UNC13C: variants seen among roughly 807,000 people sequenced by gnomAD.
The protein encoded by UNC13C is protein unc-13 homolog C.
Under a neutral mutation model 245.4 loss-of-function variants are expected in UNC13C, and 174 were observed. That is an observed-to-expected ratio of 0.71 (90% CI 0.63 to 0.80). UNC13C has a LOEUF of 0.80. Among genes scored for constraint, UNC13C ranks in the 30% least tolerant of loss-of-function variants. The pLI, the probability that UNC13C is intolerant of heterozygous loss-of-function variation, is 0.00. For missense variants in UNC13C, 2,829 were observed against 2,602.9 expected, an observed-to-expected ratio of 1.09 and a Z score of -1.89; for synonymous variants, 992 against 895.1, an observed-to-expected ratio of 1.11 and a Z score of -1.93.
chr15:53,899,690 G>A, the UNC13C span, among the ~76,000 whole-genome samples: 1 of 151,952 alleles, frequency 6.6e-6, no homozygotes, highest in East Asian at 1.9e-4. Context: ...TCAGCCTCCC[G>A]AGTGGCTGCT....
chr15:54,134,860 T>C (rs2031649515), intron 2 of UNC13C, among the ~76,000 whole-genome samples: 2 of 152,200 alleles, frequency 1.3e-5, no homozygotes, highest in South Asian at 4.1e-4. Flanking sequence ...ATTATTATAG[T>C]AGTTCTAGTT....
chr15:54,016,177 A>C (rs1044998767), intron 2 of UNC13C, among the ~76,000 whole-genome samples: 14 of 152,214 alleles, frequency 9.2e-5, no homozygotes, highest in African/African-American at 3.4e-4. Context: ...ACCCCATTTA[A>C]CATCAACTAA....
chr15:54,172,218 A>G (rs2033425832), intron 4 of UNC13C, among the ~76,000 whole-genome samples: 1 of 152,100 alleles, frequency 6.6e-6, no homozygotes, highest in African/African-American at 2.4e-5. Flanking sequence ...GCAGTCAATA[A>G]TGTATTATAC....
At chr15:54,168,952 G>A (rs1410626235) in intron 4 of UNC13C, among the ~76,000 whole-genome samples, 2 of 152,156 alleles carry the variant, frequency 1.3e-5, no homozygotes, top group Non-Finnish European at 2.9e-5. Context: ...AATGCTAAGG[G>A]TGTGTCTGAA....
At chr15:54,299,055 A>G (rs1201048784) in intron 12 of UNC13C, among the ~76,000 whole-genome samples, 2 of 152,160 alleles carry the variant, frequency 1.3e-5, no homozygotes, top group African/African-American at 2.4e-5. Context: ...TAGTGATATT[A>G]TTCCCTCAAG....
At chr15:54,593,263 G>A (rs1898900126) in intron 30 of UNC13C, among the ~76,000 whole-genome samples, 1 of 152,108 alleles carries the variant, frequency 6.6e-6, no homozygotes, top group African/African-American at 2.4e-5. Context: ...CTTAACATTG[G>A]ATAACTTGAT....
At chr15:54,078,794 C>G (rs1304770285) in intron 2 of UNC13C, among the ~76,000 whole-genome samples, 1 of 152,006 alleles carries the variant, frequency 6.6e-6, no homozygotes, top group Non-Finnish European at 1.5e-5. Context: ...TTAATTGTTT[C>G]TTTTGCTGTG....
the UNC13C span, among the ~76,000 whole-genome samples, chr15:53,908,701 G>T: frequency 8.2e-6 from 1 of 121,978 alleles, no homozygotes; most frequent in Non-Finnish European, 1.7e-5. Context: ...GCAGTGAGAC[G>T]AGATTGCACC....
Position 54,497,796 on chromosome 15 carries a change from T to C in UNC13C, c.5061-2283T>C, listed in dbSNP as rs963646143. ...TTTATAAATGGAATCATACATTGTG[T>C]ACAAAAAATAAGAAAGAAGGAACAT... On this transcript the variant is annotated intron_variant, in intron 20 of 32. Transcript: ENST00000260323. Among the ~76,000 whole-genome samples, 6 of 152,156 alleles carry C rather than the reference T, an allele frequency of 3.9e-5. No homozygotes were observed. In the South Asian group the frequency reaches 1.2e-3, roughly 32 times the overall value.
At chr15:53,961,707 A>C in the UNC13C span, among the ~76,000 whole-genome samples, 23 of 152,336 alleles carry the variant, frequency 1.5e-4, no homozygotes, top group Middle Eastern at 3.4e-3. Flanking sequence ...ATTGAATAAT[A>C]TTACTGCTGT....
chr15:54,370,300 C>A (rs2039460545), intron 17 of UNC13C, among the ~76,000 whole-genome samples: 1 of 152,022 alleles, frequency 6.6e-6, no homozygotes, highest in Admixed American at 6.6e-5. Flanking sequence ...AACAGCAAGG[C>A]CCTAGGAACT....
the UNC13C span, chr15:53,968,047 G>A: frequency 6.6e-6 from 1 of 151,946 alleles, no homozygotes; most frequent in Admixed American, 6.6e-5. Context: ...TGTCTCTGAT[G>A]GTAAAGAAGT....
intron 22 of UNC13C, among the ~76,000 whole-genome samples, 156 bp from the exon 23 acceptor site, chr15:54,506,961 G>A (rs1159326219): frequency 6.6e-6 from 1 of 152,096 alleles, no homozygotes; most frequent in Non-Finnish European, 1.5e-5. Context: ...TGAAAACAGA[G>A]GGCATTCTTA....
At chr15:54,445,638 G>A (rs1187317065) in intron 19 of UNC13C, among the ~76,000 whole-genome samples, 1 of 152,008 alleles carries the variant, frequency 6.6e-6, no homozygotes, top group African/African-American at 2.4e-5. Flanking sequence ...GTTGTTGATG[G>A]GGTTGTTTTT....
chr15:54,378,091 G>C (rs2039645657), intron 17 of UNC13C, among the ~76,000 whole-genome samples: 1 of 152,014 alleles, frequency 6.6e-6, no homozygotes, highest in Non-Finnish European at 1.5e-5. Context: ...ATAACATTTG[G>C]AGACATCAGA....
At chr15:53,863,112 C>A in the UNC13C span, among the ~76,000 whole-genome samples, 1 of 152,142 alleles carries the variant, frequency 6.6e-6, no homozygotes, top group Non-Finnish European at 1.5e-5. Context: ...TTTCAAAATA[C>A]AATGGTGGAC....
intron 10 of UNC13C, among the ~76,000 whole-genome samples, chr15:54,283,261 CA>C (rs1227990095): frequency 6.6e-6 from 1 of 152,032 alleles, no homozygotes; most frequent in African/African-American, 2.4e-5. Context: ...ATACCTTCAA[CA>C]ATATGGGTAT....
At chr15:54,278,502 T>C (rs1287320172) in intron 10 of UNC13C, among the ~76,000 whole-genome samples, 1 of 152,272 alleles carries the variant, frequency 6.6e-6, no homozygotes, top group South Asian at 2.1e-4. Flanking sequence ...TGTTCTCAAA[T>C]GAATCAAATT....
intron 13 of UNC13C, among the ~76,000 whole-genome samples, chr15:54,311,133 C>A (rs1347967311): frequency 6.6e-6 from 1 of 151,694 alleles, no homozygotes; most frequent in Admixed American, 6.6e-5. Flanking sequence ...ATTGTAATGA[C>A]CTGAAAATTC....
Sources: gnomAD v4.1 joint callset for allele counts (sites outside exome capture counted in the v4.1 genomes callset) on GRCh38, gnomAD v4.1.1 for gene constraint, MANE v1.5 for transcripts, NCBI Gene and HGNC (gene_info 2026-07-23, HGNC 2026-07-21) for gene names.